FBXL5: variants seen among roughly 807,000 people sequenced by gnomAD.
FBXL5 encodes the protein F-box and leucine rich repeat protein 5.
Under a neutral mutation model 78.3 loss-of-function variants are expected in FBXL5, and 26 were observed. That is an observed-to-expected ratio of 0.33 (90% CI 0.24 to 0.46). The LOEUF (loss-of-function observed/expected upper bound fraction) is 0.46, where lower values mean the gene tolerates loss of function less well. FBXL5 is among the 20% of genes least tolerant of loss of function. The pLI is 1.00. For synonymous variants in FBXL5, 295 were observed against 282.5 expected, an observed-to-expected ratio of 1.04 and a Z score of -0.45; for missense variants, 710 against 829.2, an observed-to-expected ratio of 0.86 and a Z score of 1.77.
chr4:15,668,395 C>A (rs1717633114), intron 1 of FBXL5, among the ~76,000 whole-genome samples: 1 of 151,744 alleles, frequency 6.6e-6, no homozygotes, highest in Non-Finnish European at 1.5e-5. Context: ...AAATAAGTGA[C>A]AAAACAGAGA....
intron 8 of FBXL5, among the ~76,000 whole-genome samples, chr4:15,626,207 T>C (rs1182100993): frequency 6.6e-6 from 1 of 152,124 alleles, no homozygotes. Flanking sequence ...AGGGTAGGAT[T>C]TGAGAGGCGT....
At chr4:15,665,997 T>G (rs1717525921) in intron 1 of FBXL5, among the ~76,000 whole-genome samples, 1 of 151,000 alleles carries the variant, frequency 6.6e-6, no homozygotes, top group Non-Finnish European at 1.5e-5. Context: ...CAGAATTGCC[T>G]CAATTTCCTA....
intron 10 of FBXL5, 55 bp downstream of exon 10, chr4:15,612,210 TA>T (rs553963627): frequency 4.7e-5 from 65 of 1,377,530 alleles, no homozygotes; most frequent in East Asian, 1.6e-4. Flanking sequence ...TTAGAACTGC[TA>T]AAAAAAATTT....
intron 3 of FBXL5, 68 bp downstream of exon 3, chr4:15,640,720 G>T: frequency 1.2e-6 from 1 of 805,650 alleles, no homozygotes; most frequent in Non-Finnish European, 1.9e-6. Flanking sequence ...ATTTTGAAGA[G>T]TCTCTAAAGC....
intron 10 of FBXL5, 139 bp from the exon 11 acceptor site, chr4:15,605,938 A>G: frequency 1.6e-6 from 1 of 628,996 alleles, no homozygotes; most frequent in Middle Eastern, 3.3e-4. Context: ...TGATAAGTGT[A>G]TAAGAAATTA....
At chr4:15,616,144 A>G (rs186987858) in intron 9 of FBXL5, among the ~76,000 whole-genome samples, 46 of 152,184 alleles carry the variant, frequency 3.0e-4, no homozygotes, top group African/African-American at 1.1e-3. Context: ...ACCAGATGCA[A>G]GAAACTCCGA....
At chr4:15,616,383 T>TCACTCCTGCCATG (rs113065979) in intron 9 of FBXL5, among the ~76,000 whole-genome samples, 114,656 of 151,908 alleles carry the variant, frequency 0.75, 43,535 homozygotes, top group East Asian at 0.91. Context: ...AAGGCAGGTC[T>TCACTCCTGCCATG]CACCCCCAAC....
chr4:15,605,937 T>C (rs1372537163), intron 10 of FBXL5, 138 bp from the exon 11 acceptor site: 4 of 628,276 alleles, frequency 6.4e-6, no homozygotes, highest in South Asian at 5.8e-5. Flanking sequence ...ATGATAAGTG[T>C]ATAAGAAATT....
chr4:15,643,423 T>C (rs1715086753), intron 2 of FBXL5, among the ~76,000 whole-genome samples: 1 of 152,260 alleles, frequency 6.6e-6, no homozygotes. Context: ...CTATAATATG[T>C]AAATGTAATT....
chr4:15,652,037 CAT>C (rs1340295543), intron 1 of FBXL5, among the ~76,000 whole-genome samples: 3 of 152,192 alleles, frequency 2.0e-5, no homozygotes, highest in African/African-American at 7.2e-5. Context: ...CTAGAGACCA[CAT>C]GTCACATTGC....
intron 1 of FBXL5, among the ~76,000 whole-genome samples, chr4:15,647,586 T>A (rs896961382): frequency 6.6e-6 from 1 of 152,154 alleles, no homozygotes; most frequent in African/African-American, 2.4e-5. Context: ...CTATTAGAAA[T>A]TCTTTTAGAT....
upstream of FBXL5, among the ~76,000 whole-genome samples, chr4:15,661,697 A>G (rs1246494405): frequency 1.3e-5 from 2 of 152,200 alleles, no homozygotes; most frequent in African/African-American, 4.8e-5. Context: ...CAAAACTTGA[A>G]TGGCTTAAGC....
chr4:15,607,257 G>A (rs1041144110), intron 10 of FBXL5, among the ~76,000 whole-genome samples: 2 of 152,104 alleles, frequency 1.3e-5, no homozygotes, highest in African/African-American at 2.4e-5. Context: ...ATGAGGATTC[G>A]TTGTATTATT....
intron 9 of FBXL5, among the ~76,000 whole-genome samples, chr4:15,623,334 A>C (rs56166932): frequency 0.089 from 13,526 of 152,110 alleles, 763 homozygotes; most frequent in Non-Finnish European, 0.12. Context: ...GGTTTTTTAA[A>C]ACATCCTAAA....
intron 1 of FBXL5, among the ~76,000 whole-genome samples, chr4:15,670,305 A>G (rs1404818380): frequency 1.3e-5 from 2 of 152,226 alleles, no homozygotes; most frequent in Non-Finnish European, 2.9e-5. Context: ...GATCATACGT[A>G]TGATAGATAC....
At chr4:15,658,197 T>TAATA (rs1316632142), upstream of FBXL5, among the ~76,000 whole-genome samples, 1 of 152,246 alleles carries the variant, frequency 6.6e-6, no homozygotes, top group African/African-American at 2.4e-5. Flanking sequence ...GCACTTTCCC[T>TAATA]AATAGGGGAT....
intron 1 of FBXL5, among the ~76,000 whole-genome samples, chr4:15,669,930 C>A (rs1717692031): frequency 6.6e-6 from 1 of 152,146 alleles, no homozygotes; most frequent in East Asian, 1.9e-4. Flanking sequence ...GCGGTAATCA[C>A]CCTAGGTACT....
At position 15,638,840 on chromosome 4, in the gene FBXL5, GT is replaced by G. The variant is rs1714540066; in HGVS notation, c.397-147del. The G allele has an allele frequency of 5.6e-5, 32 of 567,088 alleles. No homozygotes were observed. The South Asian group carries it at 7.9e-4, about 14-fold the overall frequency. 35.1% of individuals were successfully genotyped at this position (567,088 alleles called of 1,614,324 possible). On this transcript the variant is annotated intron_variant, in intron 3 of 10. Coordinates refer to ENST00000341285, the MANE Select transcript of FBXL5 (RefSeq NM_012161.4). ...AATTTTAGCTGTCACCACTGAGTTA[GT>G]TTATCTAAAAATTGCAGAGAAGAGT...
At chr4:15,675,736 C>G (rs1717971504) in intron 1 of FBXL5, among the ~76,000 whole-genome samples, 1 of 152,136 alleles carries the variant, frequency 6.6e-6, no homozygotes, top group Admixed American at 6.5e-5. Flanking sequence ...CACCTGACAC[C>G]ACACCCCATT....
Sources: allele counts gnomAD v4.1 joint callset (sites outside exome capture counted in the v4.1 genomes callset), GRCh38; gene constraint gnomAD v4.1.1; transcripts MANE v1.5; gene names NCBI Gene and HGNC (gene_info 2026-07-23, HGNC 2026-07-21).